Variants in CHGB observed in about 807,000 individuals in gnomAD.
CHGB encodes the protein secretogranin-1.
In CHGB, 46 loss-of-function variants were observed where a neutral mutation model predicts 69.9. That is an observed-to-expected ratio of 0.66 (90% CI 0.52 to 0.84). The LOEUF (loss-of-function observed/expected upper bound fraction) is 0.84, where lower values mean the gene tolerates loss of function less well. CHGB is among the 40% of genes least tolerant of loss of function. The pLI is 0.00. For missense variants in CHGB, 796 were observed against 822.2 expected (o/e 0.97, Z 0.39); for synonymous variants, 312 against 298.2 (o/e 1.05, Z -0.48).
chr20:5,924,162 A>G (rs1050574321), intron 4 of CHGB, 62 bp downstream of exon 4: 40 of 1,473,122 alleles, frequency 2.7e-5, no homozygotes, highest in Non-Finnish European at 6.3e-6. Context: ...CATTATGTTC[A>G]AGACTATCCG....
At chr20:5,919,632 C>T (rs1487034648) in intron 3 of CHGB, among the ~76,000 whole-genome samples, 2 of 152,186 alleles carry the variant, frequency 1.3e-5, no homozygotes, top group Admixed American at 1.3e-4. Flanking sequence ...TTCATATCGC[C>T]TCTGAATTCA....
At chr20:5,911,764 G>A in intron 1 of CHGB, 82 bp downstream of exon 1, 1 of 1,269,008 alleles carries the variant, frequency 7.9e-7, no homozygotes, top group Non-Finnish European at 1.0e-6. Flanking sequence ...CCAGGCTGGC[G>A]GATCCCGGGA....
chr20:5,917,118 C>T, intron 3 of CHGB, 199 bp downstream of exon 3: 2 of 599,126 alleles, frequency 3.3e-6, no homozygotes, highest in South Asian at 2.0e-5. Context: ...AGCTGTGTGA[C>T]TATAGGAAAG....
At position 5,916,822 on chromosome 20, in the gene CHGB, C is replaced by T; in HGVS notation, c.97-4C>T. 6.2e-7 allele frequency: 1 copy of T among 1,614,108 alleles called. No individual in the cohort carries two copies. The highest frequency in any genetic ancestry group is 8.5e-7 in the Non-Finnish European group (1 of 1,179,958). ...CTCCAACCTGCTTTCGGGTTTCCCCCCAGGTGACTCGCTGCATCATTGAGG... is the reference window on the plus strand; with the variant it reads ...CTCCAACCTGCTTTCGGGTTTCCCCTCAGGTGACTCGCTGCATCATTGAGG... On this transcript the variant is annotated splice_polypyrimidine_tract_variant and splice_region_variant and intron_variant, in intron 2 of 4. Transcript: ENST00000378961.
rs1296107880 is a variant in CHGB, at chr20:5,911,691, G to A, written c.49+9G>A. ...AGCCGTGGGGCTGGCGGGTGAGTGG[G>A]CGCGGCGGGCCGGTCAGCACCGCGG... On this transcript the variant is annotated intron_variant, in intron 1 of 4. Transcript: ENST00000378961. 2.7e-6 allele frequency: 4 copies of A among 1,456,000 alleles called. No homozygotes were observed. Among genetic ancestry groups the A allele is most frequent in the Non-Finnish European group, 3.6e-6 (4 of 1,110,196 alleles). The allele number at this position is 1,456,000 out of a possible 1,614,324, so 90.2% of individuals were successfully genotyped here. A position where few individuals can be genotyped will look rare whatever the true frequency, so the allele number is the denominator to read the frequency against.
At chr20:5,921,270 C>T (rs1041378271) in intron 3 of CHGB, among the ~76,000 whole-genome samples, 5 of 152,248 alleles carry the variant, frequency 3.3e-5, no homozygotes, top group African/African-American at 4.8e-5. Context: ...GTGTATCTTA[C>T]ATATATAGCA....
chr20:5,920,223 T>G (rs1381286270), intron 3 of CHGB, among the ~76,000 whole-genome samples: 1 of 152,214 alleles, frequency 6.6e-6, no homozygotes, highest in Non-Finnish European at 1.5e-5. Context: ...AAAATACTTC[T>G]GTTCCTGACA....
intron 1 of CHGB, among the ~76,000 whole-genome samples, chr20:5,913,872 TCCGCCAG>T (rs1489000704): frequency 6.6e-6 from 1 of 152,084 alleles, no homozygotes; most frequent in African/African-American, 2.4e-5. Context: ...CCTCAGGTAA[TCCGCCAG>T]CCTCGGACTC....
intron 1 of CHGB, 77 bp from the exon 2 acceptor site, chr20:5,916,249 G>T: frequency 9.4e-7 from 1 of 1,059,452 alleles, no homozygotes; most frequent in Admixed American, 1.9e-5. Context: ...ACTAATGTGG[G>T]GTGATTTTGT....
In CHGB at chr20:5,922,330, T is replaced by C; in HGVS notation, c.191-5T>C. 6.6e-7 allele frequency: 1 copy of C among 1,522,290 alleles called. No homozygotes were observed. The highest frequency in any genetic ancestry group is 8.8e-7 in the Non-Finnish European group (1 of 1,134,296). The allele number at this position is 1,522,290 out of a possible 1,614,324, so 94.3% of individuals were successfully genotyped here. On this transcript the variant is annotated splice_region_variant and splice_polypyrimidine_tract_variant and intron_variant, in intron 3 of 4. Transcript: ENST00000378961. The stretch of plus-strand genomic sequence containing the variant: ...AATTATACCTACTCTTCATTTTCAT[T>C]ATAGGTAGAAAAGACGTCAAAGACA...
In CHGB at chr20:5,922,939, A is replaced by G; in HGVS notation, c.795A>G (p.Glu265=). ...GQPRSQEESE[E]GEEDATSEVD... is the part of the protein sequence containing the mutation. Reference sequence around the variant, plus strand: ...CCCGAAGCCAGGAAGAATCTGAGGAAGGTGAGGAAGATGCCACCTCTGAGG... The same window carrying G: ...CCCGAAGCCAGGAAGAATCTGAGGAGGGTGAGGAAGATGCCACCTCTGAGG... Residue 265 remains glutamate, a synonymous_variant, in exon 4 of 5, where the codon GAA becomes GAG. Coordinates refer to ENST00000378961, the MANE Select transcript of CHGB (RefSeq NM_001819.3). 3.1e-6 allele frequency: 5 copies of G among 1,612,118 alleles called. No homozygotes were observed. Among genetic ancestry groups the G allele is most frequent in the Non-Finnish European group, 4.2e-6 (5 of 1,179,106 alleles).
chr20:5,916,309 C>CT lies in CHGB; in HGVS notation c.50-12dup, dbSNP rs770304475. ...AAACCAACTCAAGTCATTTTCCATT[C>CT]TTTTTCTCCTTCAAAGCTGTCAATT... On this transcript the variant is annotated splice_polypyrimidine_tract_variant and intron_variant, in intron 1 of 4. Coordinates refer to ENST00000378961, the MANE Select transcript of CHGB (RefSeq NM_001819.3). 1 of 1,611,200 alleles carries CT rather than the reference C, an allele frequency of 6.2e-7. No homozygotes were observed. Among genetic ancestry groups the CT allele is most frequent in the Non-Finnish European group, 8.5e-7 (1 of 1,177,990 alleles).
Position 5,923,978 on chromosome 20 carries a change from C to T in CHGB, c.1834C>T (p.His612Tyr), listed in dbSNP as rs750641950. 60 of 1,613,920 alleles carry T rather than the reference C, an allele frequency of 3.7e-5. 2 individuals carry two copies. The South Asian group carries it at 5.9e-4, about 16-fold the overall frequency. ...GGTGGCCCAACTGGACCAGCTCCTT[C>T]ACTACAGGAAGAAGTCAGCTGAGTT... ...DRVAQLDQLL[H>Y]YRKKSAEFPD... Residue 612 changes from histidine (H) to tyrosine (Y), a missense_variant, in exon 4 of 5, where the codon CAC becomes TAC. By Grantham distance (83) the His-to-Tyr change is moderately conservative. Coordinates refer to ENST00000378961, the MANE Select transcript of CHGB (RefSeq NM_001819.3).
intron 1 of CHGB, among the ~76,000 whole-genome samples, chr20:5,913,628 C>CTTTTCTTTTCTTTTTTTTTT (rs1289315671): frequency 1.1e-5 from 1 of 90,474 alleles, no homozygotes; most frequent in African/African-American, 3.7e-5. Context: ...CTTTTCTTTT[C>CTTTTCTTTTCTTTTTTTTTT]TTTTTTTTTT....
At position 5,911,627 on chromosome 20, in the gene CHGB, C is replaced by T; in HGVS notation, c.-7C>T. The T allele has an allele frequency of 6.6e-7, 1 of 1,516,208 alleles. No homozygotes were observed. Among genetic ancestry groups the T allele is most frequent in the East Asian group, 2.7e-5 (1 of 36,366 alleles). The allele number at this position is 1,516,208 out of a possible 1,614,324, so 93.9% of individuals were successfully genotyped here. On this transcript the variant is annotated 5_prime_UTR_variant, in exon 1 of 5. Transcript: ENST00000378961. ...TCCTTTCCGCACAGGGGCCGCCGAGCGGGGCCATGCAGCCAACGCTGCTTC... is the reference window on the plus strand; with the variant it reads ...TCCTTTCCGCACAGGGGCCGCCGAGTGGGGCCATGCAGCCAACGCTGCTTC...
intron 2 of CHGB, among the ~76,000 whole-genome samples, 165 bp from the exon 3 acceptor site, chr20:5,916,661 G>A (rs1402943379): frequency 2.0e-5 from 3 of 152,146 alleles, no homozygotes; most frequent in Admixed American, 2.0e-4. Context: ...CTGTGTAGAA[G>A]TTTGGAAGAT....
At chr20:5,919,074 A>G (rs1029823954) in intron 3 of CHGB, among the ~76,000 whole-genome samples, 2 of 152,116 alleles carry the variant, frequency 1.3e-5, no homozygotes, top group African/African-American at 4.8e-5. Context: ...CCTTTTGGCA[A>G]ACCCATCTTG....
In CHGB at chr20:5,925,126, C is replaced by T; in HGVS notation, c.*77C>T. ...TTTTCACCACTTCACTGAAAGACAC[C>T]ATTTATCTACCCAAGGGCAGAAAGT... On this transcript the variant is annotated 3_prime_UTR_variant, in exon 5 of 5. Transcript: ENST00000378961. 7 of 911,654 alleles carry T rather than the reference C, an allele frequency of 7.7e-6. No homozygotes were observed. The South Asian group carries it at 1.0e-4, about 14-fold the overall frequency. 56.5% of individuals were successfully genotyped at this position (911,654 alleles called of 1,614,324 possible).
Position 5,923,423 on chromosome 20 carries a change from C to T in CHGB, c.1279C>T (p.Arg427Cys), listed in dbSNP as rs779208717. 30 of 1,613,932 alleles carry T rather than the reference C, an allele frequency of 1.9e-5. No homozygotes were observed. Among genetic ancestry groups the T allele is most frequent in the South Asian group, 5.5e-5 (5 of 91,084 alleles). Residue 427 changes from arginine (R) to cysteine (C), a missense_variant, in exon 4 of 5, where the codon CGT becomes TGT. This residue lies in a region of CHGB where 274 missense variants were observed against 298.9 expected (regional missense o/e 0.92). Coordinates refer to ENST00000378961, the MANE Select transcript of CHGB (RefSeq NM_001819.3). Reference protein sequence around the residue: ...RHHRGRGGEPRAYFMSDTREE... With the variant: ...RHHRGRGGEPCAYFMSDTREE... ...TCACAGAGGCAGGGGAGGGGAGCCA[C>T]GTGCCTATTTCATGTCTGACACCAG...
Sources: gnomAD v4.1 joint callset for allele counts (sites outside exome capture counted in the v4.1 genomes callset) on GRCh38, gnomAD v4.1.1 for gene constraint, gnomAD v4.1.1 regional missense constraint, MANE v1.5 for transcripts, NCBI Gene and HGNC (gene_info 2026-07-23, HGNC 2026-07-21) for gene names.